MAPK6: variants seen among roughly 807,000 people sequenced by gnomAD.
The protein encoded by MAPK6 is mitogen-activated protein kinase 6, also known as ERK-3.
A neutral mutation model predicts 59.3 loss-of-function variants in MAPK6; 19 were observed. The ratio of observed to expected loss-of-function variants is 0.32; its 90% CI spans 0.22 to 0.47. The LOEUF (loss-of-function observed/expected upper bound fraction) is 0.47, where lower values mean the gene tolerates loss of function less well. MAPK6 is among the 20% of genes least tolerant of loss of function. The pLI is 1.00. For missense variants in MAPK6, 724 were observed against 847.9 expected (o/e 0.85, Z 1.81); for synonymous variants, 316 against 290.3 (o/e 1.09, Z -0.90).
At chr15:52,017,149 A>C (rs1249549260), upstream of MAPK6, 1 of 152,494 alleles carries the variant, frequency 6.6e-6, no homozygotes, top group East Asian at 1.9e-4. Flanking sequence ...GTCCGTGTGA[A>C]GAGACCACCA....
intron 2 of MAPK6, among the ~76,000 whole-genome samples, chr15:51,996,593 G>A (rs1483232384): frequency 3.3e-5 from 5 of 151,382 alleles, no homozygotes; most frequent in South Asian, 4.2e-4. Context: ...ACGAGGTTTC[G>A]CCATATTGGC....
intron 1 of MAPK6, among the ~76,000 whole-genome samples, chr15:52,025,670 G>T (rs910634267): frequency 6.6e-6 from 1 of 152,062 alleles, no homozygotes; most frequent in Non-Finnish European, 1.5e-5. Flanking sequence ...GGTGGCGGGC[G>T]CCTGTAGTCC....
chr15:51,989,777 T>G (rs1017820225), intron 2 of MAPK6, among the ~76,000 whole-genome samples: 1 of 152,008 alleles, frequency 6.6e-6, no homozygotes, highest in East Asian at 1.9e-4. Flanking sequence ...TTTTTATTTT[T>G]TATTTTTGTA....
At chr15:52,026,998 C>T (rs1198007356) in intron 1 of MAPK6, among the ~76,000 whole-genome samples, 4 of 150,160 alleles carry the variant, frequency 2.7e-5, no homozygotes, top group Admixed American at 6.7e-5. Context: ...TGCAGTGAGC[C>T]GAGATCACAC....
rs951509236 is a variant in MAPK6 at position 51,993,616 on chromosome 15, G to A, written c.-770+10301G>A. On this transcript the variant is annotated intron_variant, in intron 2 of 7. Coordinates refer to the MAPK6 transcript ENST00000691380. ...GATGGATGTAGAAATAAATATAGAT[G>A]TAAATGTGTGTATATGTAAAAGTTT... Among the ~76,000 whole-genome samples, 5 of 152,046 alleles carry A rather than the reference G, an allele frequency of 3.3e-5. No homozygotes were observed. In the South Asian group the frequency reaches 8.3e-4, roughly 25 times the overall value.
intron 3 of MAPK6, among the ~76,000 whole-genome samples, chr15:52,010,616 T>C (rs1484492425): frequency 6.6e-6 from 1 of 151,432 alleles, no homozygotes; most frequent in Non-Finnish European, 1.5e-5. Flanking sequence ...TCTCTTGGGT[T>C]CAAGCGATTC....
chr15:51,973,889 T>A (rs2057149268), intron 1 of MAPK6, among the ~76,000 whole-genome samples: 1 of 151,840 alleles, frequency 6.6e-6, no homozygotes, highest in Non-Finnish European at 1.5e-5. Context: ...TGACCTCAGG[T>A]GATCCACCCG....
intron 4 of MAPK6, among the ~76,000 whole-genome samples, chr15:52,059,266 A>G (rs760748927): frequency 6.6e-6 from 1 of 152,176 alleles, no homozygotes; most frequent in Non-Finnish European, 1.5e-5. Context: ...CCCTGTTCAT[A>G]TCTAAATGAG....
intron 3 of MAPK6, chr15:52,011,259 T>C (rs1317778381): frequency 1.3e-5 from 2 of 152,100 alleles, no homozygotes; most frequent in Non-Finnish European, 1.5e-5. Flanking sequence ...AGGATCTCTC[T>C]ATGTTGACCA....
chr15:52,006,790 G>A (rs78347937), intron 3 of MAPK6, among the ~76,000 whole-genome samples: 2,815 of 152,010 alleles, frequency 0.019, 86 homozygotes, highest in African/African-American at 0.065. Context: ...TATTAATAGC[G>A]TCATTAACAT....
chr15:52,004,525 T>C (rs1348750507), intron 3 of MAPK6: 1 of 152,222 alleles, frequency 6.6e-6, no homozygotes, highest in Non-Finnish European at 1.5e-5. Context: ...TTTGTGCTTT[T>C]TATAACAGAA....
chr15:52,001,522 T>TC (rs1352460928), intron 2 of MAPK6, among the ~76,000 whole-genome samples: 1 of 150,400 alleles, frequency 6.6e-6, no homozygotes, highest in Non-Finnish European at 1.5e-5. Flanking sequence ...TTTTTTTTTT[T>TC]TTTTCAGATG....
intron 1 of MAPK6, among the ~76,000 whole-genome samples, chr15:52,019,577 G>A (rs2030422448): frequency 6.9e-6 from 1 of 145,706 alleles, no homozygotes; most frequent in East Asian, 2.0e-4. Flanking sequence ...CCGCCTGCCC[G>A]CCCGCTCGGG....
intron 1 of MAPK6, among the ~76,000 whole-genome samples, chr15:52,020,259 T>A (rs1393632870): frequency 2.0e-5 from 3 of 152,286 alleles, no homozygotes; most frequent in Non-Finnish European, 2.9e-5. Flanking sequence ...TCTTGGCGAG[T>A]GTAGGACCCA....
upstream of MAPK6, chr15:52,019,047 A>T (rs1014306006): frequency 6.6e-6 from 1 of 152,278 alleles, no homozygotes; most frequent in Non-Finnish European, 1.5e-5. Flanking sequence ...AGCCCCCAGG[A>T]GACGCCGGAC....
At chr15:52,003,155 C>T (rs2057247508) in intron 2 of MAPK6, among the ~76,000 whole-genome samples, 1 of 151,904 alleles carries the variant, frequency 6.6e-6, no homozygotes, top group African/African-American at 2.4e-5. Context: ...CCATTGCACT[C>T]CAGCCTGGGC....
intron 2 of MAPK6, among the ~76,000 whole-genome samples, chr15:51,994,228 G>T (rs1257018698): frequency 5.3e-5 from 8 of 152,084 alleles, no homozygotes; most frequent in Admixed American, 4.6e-4. Flanking sequence ...CTAAAGTGCT[G>T]GGATTACAGG....
intron 1 of MAPK6, among the ~76,000 whole-genome samples, chr15:51,976,950 T>C (rs566894094): frequency 9.2e-5 from 14 of 151,658 alleles, no homozygotes; most frequent in African/African-American, 3.1e-4. Context: ...CTCAAAAAAA[T>C]AAATTAATAA....
intron 1 of MAPK6, among the ~76,000 whole-genome samples, chr15:51,978,488 C>G (rs1349743929): frequency 1.3e-5 from 2 of 151,742 alleles, no homozygotes; most frequent in Non-Finnish European, 2.9e-5. Flanking sequence ...CAGGGGCTGA[C>G]CAGCATCCTA....
Sources: gnomAD v4.1 joint callset for allele counts (sites outside exome capture counted in the v4.1 genomes callset) on GRCh38, gnomAD v4.1.1 for gene constraint, MANE v1.5 for transcripts, NCBI Gene and HGNC (gene_info 2026-07-23, HGNC 2026-07-21) for gene names.